Variants in PLCB1 observed in about 807,000 individuals in gnomAD.
PLCB1 encodes phospholipase C beta 1, also known as 1-phosphatidylinositol 4,5-bisphosphate phosphodiesterase beta-1.
Under a neutral mutation model 161.8 loss-of-function variants are expected in PLCB1, and 46 were observed. The observed-to-expected ratio is 0.28, with a 90% CI of 0.22 to 0.36. The LOEUF is 0.36. Among genes scored for constraint, PLCB1 ranks in the 10% least tolerant of loss-of-function variants. The pLI, the probability that PLCB1 is intolerant of heterozygous loss-of-function variation, is 1.00. For synonymous variants in PLCB1, 517 were observed against 503.7 expected, an observed-to-expected ratio of 1.03 and a Z score of -0.35; for missense variants, 1,016 against 1,472.5, an observed-to-expected ratio of 0.69 and a Z score of 5.07.
At chr20:8,551,767 C>A (rs963458049) in intron 3 of PLCB1, among the ~76,000 whole-genome samples, 21 of 152,134 alleles carry the variant, frequency 1.4e-4, no homozygotes, top group African/African-American at 3.9e-4. Flanking sequence ...CTTTTCCATC[C>A]TCTTTCTTGC....
chr20:8,632,050 T>TTG (rs1988613656), intron 4 of PLCB1, among the ~76,000 whole-genome samples: 1 of 142,044 alleles, frequency 7.0e-6, no homozygotes, highest in Non-Finnish European at 1.5e-5. Context: ...TTTTTTTTTT[T>TTG]TTTTTTTTTT....
At chr20:8,448,659 T>A (rs1305545139) in intron 3 of PLCB1, among the ~76,000 whole-genome samples, 1 of 152,218 alleles carries the variant, frequency 6.6e-6, no homozygotes, top group Non-Finnish European at 1.5e-5. Flanking sequence ...CAATGTGATA[T>A]CTCAGGGATA....
rs368759950 is a variant in PLCB1 at position 8,691,233 on chromosome 20, A to G, written c.1009+6155A>G. On this transcript the variant is annotated intron_variant, in intron 10 of 31. Coordinates refer to ENST00000338037, the MANE Select transcript of PLCB1 (RefSeq NM_015192.4). Reference sequence around the variant, plus strand: ...ATGATATAAACATTCAAGCTACCCCAAATCAATTAAGAATGTTATAAAATA... The same window carrying G: ...ATGATATAAACATTCAAGCTACCCCGAATCAATTAAGAATGTTATAAAATA... 1.4e-4 allele frequency among the ~76,000 whole-genome samples: 21 copies of G among 152,268 alleles called. No homozygotes were observed. The East Asian group carries it at 2.3e-3, about 17-fold the overall frequency.
intron 3 of PLCB1, among the ~76,000 whole-genome samples, chr20:8,412,956 C>CA (rs200920138): frequency 0.041 from 4,132 of 100,638 alleles, 176 homozygotes; most frequent in African/African-American, 0.13. Context: ...CATCTGTGAC[C>CA]AAAAAAAAAA....
intron 2 of PLCB1, among the ~76,000 whole-genome samples, chr20:8,356,879 T>A (rs928861611): frequency 2.6e-4 from 39 of 152,048 alleles, no homozygotes; most frequent in African/African-American, 9.2e-4. Context: ...AATAAGAAAA[T>A]TATGGAAGAC....
chr20:8,196,757 G>A (rs1014214772), intron 2 of PLCB1, among the ~76,000 whole-genome samples: 2 of 151,832 alleles, frequency 1.3e-5, no homozygotes, highest in Non-Finnish European at 2.9e-5. Context: ...CCATGTTGGT[G>A]TGCTGCACCC....
chr20:8,739,172 A>G, intron 20 of PLCB1, 89 bp from the exon 21 acceptor site: 1 of 840,574 alleles, frequency 1.2e-6, no homozygotes, highest in Non-Finnish European at 2.1e-6. Flanking sequence ...GAGAAAAGAA[A>G]AGCTAGTCCT....
chr20:8,188,799 T>C (rs2051934417), intron 2 of PLCB1, among the ~76,000 whole-genome samples: 1 of 152,124 alleles, frequency 6.6e-6, no homozygotes, highest in Non-Finnish European at 1.5e-5. Context: ...CGTTAACATA[T>C]CAGCTTTGAA....
chr20:8,158,826 A>G (rs1384865080), intron 2 of PLCB1, among the ~76,000 whole-genome samples: 1 of 152,082 alleles, frequency 6.6e-6, no homozygotes, highest in Non-Finnish European at 1.5e-5. Flanking sequence ...ATCTCCTTTG[A>G]CTCCGTGTCT....
chr20:8,796,627 A>C (rs185643233), intron 31 of PLCB1, among the ~76,000 whole-genome samples: 1 of 152,270 alleles, frequency 6.6e-6, no homozygotes, highest in African/African-American at 2.4e-5. Context: ...TGTAGAAGAA[A>C]ATTCTTTTTC....
intron 26 of PLCB1, among the ~76,000 whole-genome samples, chr20:8,766,417 A>G (rs1479061104): frequency 1.3e-5 from 2 of 152,166 alleles, no homozygotes; most frequent in African/African-American, 4.8e-5. Flanking sequence ...AACTAGGGAG[A>G]CTTACTCCAG....
At chr20:8,299,245 A>G (rs1038877668) in intron 2 of PLCB1, among the ~76,000 whole-genome samples, 6 of 152,164 alleles carry the variant, frequency 3.9e-5, no homozygotes, top group African/African-American at 7.2e-5. Context: ...CATTATCCTG[A>G]CCAACATATA....
intron 2 of PLCB1, among the ~76,000 whole-genome samples, chr20:8,212,028 G>A (rs541891433): frequency 1.5e-4 from 23 of 151,978 alleles, no homozygotes; most frequent in African/African-American, 4.6e-4. Flanking sequence ...ATTATGCTCC[G>A]ACGTCAGTGA....
intron 14 of PLCB1, among the ~76,000 whole-genome samples, chr20:8,721,119 T>A (rs1979607380): frequency 6.6e-6 from 1 of 152,212 alleles, no homozygotes; most frequent in African/African-American, 2.4e-5. Context: ...TAAGCAATAC[T>A]TTTTTCACTA....
At chr20:8,284,182 A>G (rs1983006548) in intron 2 of PLCB1, among the ~76,000 whole-genome samples, 1 of 152,004 alleles carries the variant, frequency 6.6e-6, no homozygotes, top group African/African-American at 2.4e-5. Context: ...TCTTCTTTTA[A>G]CTAGGTCTCC....
At chr20:8,501,991 G>A (rs1451826844) in intron 3 of PLCB1, among the ~76,000 whole-genome samples, 1 of 147,012 alleles carries the variant, frequency 6.8e-6, no homozygotes, top group Non-Finnish European at 1.5e-5. Context: ...TCTAAGGAAT[G>A]CAATTCCAAA....
At chr20:8,616,558 C>T (rs1988044394) in intron 3 of PLCB1, among the ~76,000 whole-genome samples, 1 of 152,190 alleles carries the variant, frequency 6.6e-6, no homozygotes, top group African/African-American at 2.4e-5. Context: ...GTAAGCACCA[C>T]CAGGGTGTAA....
At chr20:8,513,889 A>G (rs1983996659) in intron 3 of PLCB1, among the ~76,000 whole-genome samples, 1 of 151,932 alleles carries the variant, frequency 6.6e-6, no homozygotes. Flanking sequence ...TTAGCTGGGC[A>G]TGGTGGTGTG....
chr20:8,702,232 C>T (rs1417969880), intron 11 of PLCB1, among the ~76,000 whole-genome samples: 1 of 152,060 alleles, frequency 6.6e-6, no homozygotes, highest in Non-Finnish European at 1.5e-5. Flanking sequence ...GTTTCAATGC[C>T]TCATCACCTT....
Sources: allele counts gnomAD v4.1 joint callset (sites outside exome capture counted in the v4.1 genomes callset), GRCh38; gene constraint gnomAD v4.1.1; transcripts MANE v1.5; gene names NCBI Gene and HGNC (gene_info 2026-07-23, HGNC 2026-07-21).